The following CNTN5 variants were observed in gnomAD, a reference collection of about 807,000 sequenced individuals.
CNTN5 encodes contactin 5, also known as contactin-5.
Under a neutral mutation model 129.1 loss-of-function variants are expected in CNTN5, and 77 were observed. The ratio of observed to expected loss-of-function variants is 0.60; its 90% confidence interval spans 0.50 to 0.72. The LOEUF (loss-of-function observed/expected upper bound fraction) is 0.72. Ranked by LOEUF, CNTN5 falls within the 30% of genes least tolerant of loss-of-function variation. The pLI, the probability that CNTN5 is intolerant of heterozygous loss-of-function variation, is 0.00. For missense variants in CNTN5, 1,478 were observed against 1,328.8 expected (o/e 1.11, Z -1.75); for synonymous variants, 509 against 465.6 (o/e 1.09, Z -1.20).
At chr11:99,366,961 G>A (rs988453906) in intron 2 of CNTN5, among the ~76,000 whole-genome samples, 1 of 152,178 alleles carries the variant, frequency 6.6e-6, no homozygotes, top group African/African-American at 2.4e-5. Flanking sequence ...GATATCGACA[G>A]ATAGGGCTCA....
intron 8 of CNTN5, among the ~76,000 whole-genome samples, chr11:99,978,931 C>T (rs910388581): frequency 3.3e-5 from 5 of 152,168 alleles, no homozygotes; most frequent in Admixed American, 1.3e-4. Context: ...TCTATAAGGT[C>T]AGGCAGAGAG....
At chr11:99,841,795 A>G (rs1311480195) in intron 4 of CNTN5, among the ~76,000 whole-genome samples, 39 of 584 alleles carry the variant, frequency 0.067, no homozygotes, top group African/African-American at 0.2. Flanking sequence ...ATATATATAT[A>G]TATATGTGGT....
chr11:99,426,694 C>T (rs1053308557), intron 2 of CNTN5, among the ~76,000 whole-genome samples: 2 of 152,146 alleles, frequency 1.3e-5, no homozygotes, highest in Admixed American at 1.3e-4. Context: ...CTTACAGTCT[C>T]CTGCGTCCAC....
At position 99,523,709 on chromosome 11, in the gene CNTN5, TAG is replaced by T. The variant is rs1947375587; in HGVS notation, c.-70-32434_-70-32433del. On this transcript the variant is annotated intron_variant, in intron 2 of 24. Coordinates refer to ENST00000524871, the MANE Select transcript of CNTN5 (RefSeq NM_014361.4). ...CAGAACAGAACAGAATAGAACAGAA[TAG>T]AATAGAATAGAATAGAATATGTGTT... 1.0e-3 allele frequency among the ~76,000 whole-genome samples: 25 copies of T among 24,742 alleles called. 1 individual carries two copies. In the South Asian group the frequency reaches 0.029, roughly 29 times the overall value. 16.2% of individuals were successfully genotyped at this position (24,742 alleles called of 152,430 possible).
intron 3 of CNTN5, among the ~76,000 whole-genome samples, chr11:99,804,562 T>C (rs868392995): frequency 6.6e-6 from 1 of 151,562 alleles, no homozygotes; most frequent in Non-Finnish European, 1.5e-5. Context: ...AAGTATGATA[T>C]TACATTTAAT....
At chr11:100,050,924 G>A (rs958588855) in intron 9 of CNTN5, among the ~76,000 whole-genome samples, 3 of 152,032 alleles carry the variant, frequency 2.0e-5, no homozygotes, top group Admixed American at 1.3e-4. Flanking sequence ...TAGTAACAGA[G>A]CTTTACAATG....
In CNTN5 at chr11:99,596,581, T is replaced by A. The variant is rs145471634; in HGVS notation, c.55+40312T>A. ...CAAATTATCTTAAAGAAATGTTTTC[T>A]TATATGTCTTTGCTTCAGAAGTAAA... is the stretch of plus-strand genomic sequence containing the variant. On this transcript the variant is annotated intron_variant, in intron 3 of 24. Coordinates refer to ENST00000524871, the MANE Select transcript of CNTN5 (RefSeq NM_014361.4). Among the ~76,000 whole-genome samples, 385 of 152,316 alleles carry A rather than the reference T, an allele frequency of 2.5e-3. 2 individuals are homozygous for A. The highest frequency in any genetic ancestry group is 8.2e-3 in the African/African-American group (339 of 41,576).
At chr11:99,077,701 C>A (rs910565541) in intron 1 of CNTN5, among the ~76,000 whole-genome samples, 2 of 152,200 alleles carry the variant, frequency 1.3e-5, no homozygotes, top group Middle Eastern at 3.4e-3. Flanking sequence ...AGTAATTGAC[C>A]CAGGAGGGCA....
At chr11:99,854,382 T>C (rs1221464458) in intron 6 of CNTN5, among the ~76,000 whole-genome samples, 2 of 152,194 alleles carry the variant, frequency 1.3e-5, no homozygotes, top group Non-Finnish European at 1.5e-5. Flanking sequence ...AATAAGAATG[T>C]TGCCTTAGGA....
intron 18 of CNTN5, among the ~76,000 whole-genome samples, chr11:100,283,871 A>G (rs1032814297): frequency 3.9e-5 from 6 of 152,144 alleles, no homozygotes; most frequent in Non-Finnish European, 7.4e-5. Context: ...ACTTGAACCC[A>G]GGAGGCAGAG....
chr11:99,335,337 A>G (rs1866174833), intron 2 of CNTN5, among the ~76,000 whole-genome samples: 1 of 152,114 alleles, frequency 6.6e-6, no homozygotes, highest in Non-Finnish European at 1.5e-5. Flanking sequence ...AATCCTGCTT[A>G]TGAAAACATA....
intron 1 of CNTN5, among the ~76,000 whole-genome samples, chr11:99,144,959 G>C (rs1859705255): frequency 6.6e-6 from 1 of 151,892 alleles, no homozygotes; most frequent in African/African-American, 2.4e-5. Flanking sequence ...CTTCAGAGGT[G>C]TCATGTTTTC....
chr11:99,162,938 A>G (rs1397460991), intron 1 of CNTN5, among the ~76,000 whole-genome samples: 14 of 152,142 alleles, frequency 9.2e-5, no homozygotes, highest in Admixed American at 9.2e-4. Context: ...TTTTAGAAAC[A>G]CAGTGAATTT....
intron 3 of CNTN5, among the ~76,000 whole-genome samples, chr11:99,714,945 G>T (rs892641015): frequency 2.0e-5 from 3 of 151,076 alleles, no homozygotes; most frequent in Admixed American, 6.6e-5. Context: ...AAGGGTTGTG[G>T]TGTTGGAAAG....
intron 3 of CNTN5, among the ~76,000 whole-genome samples, chr11:99,708,497 A>G (rs560393261): frequency 6.6e-6 from 1 of 151,892 alleles, no homozygotes; most frequent in East Asian, 1.9e-4. Context: ...CGACAGATGC[A>G]TTAACTTTCC....
chr11:100,310,372 T>A (rs932754579), intron 21 of CNTN5, among the ~76,000 whole-genome samples: 1 of 151,920 alleles, frequency 6.6e-6, no homozygotes, highest in South Asian at 2.1e-4. Flanking sequence ...GACACTCAGA[T>A]AACCATTATG....
At chr11:99,242,651 G>A (rs1861620036) in intron 1 of CNTN5, among the ~76,000 whole-genome samples, 2 of 151,892 alleles carry the variant, frequency 1.3e-5, no homozygotes, top group Admixed American at 1.3e-4. Flanking sequence ...CCCAACTCTG[G>A]TAGTACCTGG....
chr11:99,421,938 G>C (rs1020991263), intron 2 of CNTN5, among the ~76,000 whole-genome samples: 3 of 152,108 alleles, frequency 2.0e-5, no homozygotes, highest in Non-Finnish European at 2.9e-5. Context: ...AATTTTCAGA[G>C]TCAAATTTTG....
Position 99,762,929 on chromosome 11 carries a change from C to T in CNTN5, c.56-56615C>T, listed in dbSNP as rs143159786. Among the ~76,000 whole-genome samples, 191 of 152,192 alleles carry T rather than the reference C, an allele frequency of 1.3e-3. 1 individual carries two copies. Among genetic ancestry groups the T allele is most frequent in the African/African-American group, 4.5e-3 (185 of 41,552 alleles). ...CATGGGAACACTTCTGATGTAAAAG[C>T]TTCATGCATTCCCCATTGAGTCTCC... On this transcript the variant is annotated intron_variant, in intron 3 of 24. Transcript: ENST00000524871.
Sources: gnomAD v4.1 joint callset for allele counts (sites outside exome capture counted in the v4.1 genomes callset) on GRCh38, gnomAD v4.1.1 for gene constraint, MANE v1.5 for transcripts, NCBI Gene and HGNC (gene_info 2026-07-23, HGNC 2026-07-21) for gene names.